TOM1: variants seen among roughly 807,000 people sequenced by gnomAD.
TOM1 encodes the protein target of Myb protein 1.
A neutral mutation model predicts 61.3 loss-of-function variants in TOM1; 38 were observed. That is an observed-to-expected ratio of 0.62 (90% CI 0.48 to 0.81). TOM1 has a LOEUF of 0.81. Ranked by LOEUF, TOM1 falls within the 40% of genes least tolerant of loss-of-function variation. The probability of loss-of-function intolerance (pLI) is 0.00; values close to 1 mark genes in which losing one functional copy is unlikely to be tolerated. For synonymous variants in TOM1, 270 were observed against 268.8 expected (o/e 1.00, Z -0.04); for missense variants, 591 against 659.6 (o/e 0.90, Z 1.14).
chr22:35,335,145 C>T (rs1418004834), intron 11 of TOM1, among the ~76,000 whole-genome samples: 1 of 152,194 alleles, frequency 6.6e-6, no homozygotes, highest in Non-Finnish European at 1.5e-5. Context: ...GTAAGAGGAA[C>T]AGTCTGCTTG....
In TOM1 at chr22:35,330,439, C is replaced by A. The variant is rs774842627; in HGVS notation, c.858C>A (p.Ile286=). Residue 286 remains isoleucine (I), a synonymous_variant, in exon 8 of 15, where the codon ATC becomes ATA. Transcript: ENST00000449058. ...ANEQLTEELL[I]VNDNLNNVFL... ...AGCAGCTGACAGAGGAGCTGCTCAT[C>A]GTCAATGACAATCTCAACAATGTGT... 6.2e-7 allele frequency: 1 copy of A among 1,613,284 alleles called. No individual in the cohort carries two copies. Among genetic ancestry groups the A allele is most frequent in the South Asian group, 1.1e-5 (1 of 91,040 alleles).
chr22:35,341,377 C>G (rs898516750), intron 12 of TOM1, among the ~76,000 whole-genome samples: 11 of 152,190 alleles, frequency 7.2e-5, no homozygotes, highest in African/African-American at 2.7e-4. Context: ...GATACCCTGC[C>G]TAGGGTCTCG....
chr22:35,338,924 G>A (rs1044461825), intron 12 of TOM1, 136 bp downstream of exon 12: 35 of 783,816 alleles, frequency 4.5e-5, no homozygotes, highest in East Asian at 2.1e-4. Flanking sequence ...CCGTCAGGTC[G>A]GTTCTTTTTG....
chr22:35,327,627 G>A (rs1928456614), intron 7 of TOM1, among the ~76,000 whole-genome samples: 1 of 152,206 alleles, frequency 6.6e-6, no homozygotes, highest in African/African-American at 2.4e-5. Flanking sequence ...CTGTAAGATT[G>A]CTCTAACAAT....
chr22:35,315,303 C>A (rs1407067206), intron 1 of TOM1, among the ~76,000 whole-genome samples: 5 of 152,128 alleles, frequency 3.3e-5, no homozygotes, highest in African/African-American at 1.2e-4. Flanking sequence ...CACTAATCCT[C>A]TGGCCTGTGT....
chr22:35,321,865 T>C, intron 2 of TOM1, 94 bp from the exon 3 acceptor site: 1 of 1,040,608 alleles, frequency 9.6e-7, no homozygotes, highest in Non-Finnish European at 1.5e-6. Flanking sequence ...ACAGGGAGGA[T>C]GGGCCAATAA....
At chr22:35,299,857 C>T (rs1019481543), upstream of TOM1, 1 of 1,528,064 alleles carries the variant, frequency 6.5e-7, no homozygotes, top group Non-Finnish European at 8.9e-7. Context: ...GAGTGCGTCA[C>T]GTGACGGGTC....
At position 35,338,671 on chromosome 22, in the gene TOM1, C is replaced by T. The variant is rs774304642; in HGVS notation, c.1149-42C>T. 2.8e-5 allele frequency: 41 copies of T among 1,473,932 alleles called. No homozygotes were observed. In the South Asian group the frequency reaches 4.1e-4, roughly 15 times the overall value. The allele number at this position is 1,473,932 out of a possible 1,614,324, so 91.3% of individuals were successfully genotyped here. ...CCCGCTCCGTTCTTGCATCAGCCAT[C>T]GGTAAGGGCAGCATCCAATGGCTTG... On this transcript the variant is annotated intron_variant, in intron 11 of 14. Transcript: ENST00000449058.
chr22:35,308,670 C>A (rs1165510127), intron 1 of TOM1, among the ~76,000 whole-genome samples: 1 of 152,174 alleles, frequency 6.6e-6, no homozygotes, highest in Admixed American at 6.5e-5. Context: ...TTTACACTCC[C>A]AAGTGGGGAG....
At chr22:35,320,477 C>G (rs1032128267) in intron 2 of TOM1, among the ~76,000 whole-genome samples, 1 of 152,080 alleles carries the variant, frequency 6.6e-6, no homozygotes, top group Non-Finnish European at 1.5e-5. Flanking sequence ...CAGCCCTCCC[C>G]GACCTCCCCC....
intron 2 of TOM1, chr22:35,318,170 T>G: frequency 1.7e-6 from 1 of 574,668 alleles, no homozygotes; most frequent in East Asian, 2.8e-5. Flanking sequence ...CCCTGGGGGC[T>G]GCCACCCCAC....
chr22:35,329,510 T>C (rs1928633552), intron 7 of TOM1, among the ~76,000 whole-genome samples: 2 of 152,258 alleles, frequency 1.3e-5, no homozygotes, highest in African/African-American at 4.8e-5. Context: ...TGTGGTACTA[T>C]CTTTGCATCT....
At chr22:35,343,905 A>T (rs766105155) in intron 12 of TOM1, among the ~76,000 whole-genome samples, 1 of 147,350 alleles carries the variant, frequency 6.8e-6, no homozygotes, top group Admixed American at 6.8e-5. Flanking sequence ...CTGCACACAC[A>T]CCCCTACACA....
intron 12 of TOM1, among the ~76,000 whole-genome samples, chr22:35,340,187 T>A (rs940454816): frequency 6.6e-6 from 1 of 152,152 alleles, no homozygotes; most frequent in Non-Finnish European, 1.5e-5. Context: ...CAGCCGGACC[T>A]GGGAGTCCAG....
Position 35,322,256 on chromosome 22 carries a change from G to A in TOM1, c.216+219G>A, listed in dbSNP as rs527880242. ...CCAATCCCCCAGCATGGGAACAGAC[G>A]CTTACATCACTCCAGAACCACTGGC... On this transcript the variant is annotated intron_variant, in intron 3 of 14. Coordinates refer to ENST00000449058, the MANE Select transcript of TOM1 (RefSeq NM_005488.3). 186 of 557,528 alleles carry A rather than the reference G, an allele frequency of 3.3e-4. 1 individual carries two copies. Among genetic ancestry groups the A allele is most frequent in the Admixed American group, 1.9e-3 (61 of 31,828 alleles). 34.5% of individuals were successfully genotyped at this position (557,528 alleles called of 1,614,324 possible). A position where few individuals can be genotyped will look rare whatever the true frequency, so the allele number is the denominator to read the frequency against.
At chr22:35,328,990 C>T (rs938008111) in intron 7 of TOM1, among the ~76,000 whole-genome samples, 1 of 152,182 alleles carries the variant, frequency 6.6e-6, no homozygotes, top group African/African-American at 2.4e-5. Flanking sequence ...GAGTCTTGCT[C>T]TGTCACCCAG....
At chr22:35,341,261 G>A (rs971561248) in intron 12 of TOM1, among the ~76,000 whole-genome samples, 8 of 152,164 alleles carry the variant, frequency 5.3e-5, no homozygotes, top group Non-Finnish European at 8.8e-5. Flanking sequence ...TACTGTCCTC[G>A]GTATGGTGCC....
chr22:35,334,254 C>T, intron 10 of TOM1, 74 bp from the exon 11 acceptor site: 1 of 1,547,454 alleles, frequency 6.5e-7, no homozygotes, highest in Non-Finnish European at 8.7e-7. Context: ...CTGGGTCTGG[C>T]AGCAGGTAGC....
intron 9 of TOM1, 33 bp downstream of exon 9, chr22:35,333,047 C>G: frequency 1.2e-6 from 2 of 1,612,018 alleles, no homozygotes; most frequent in Non-Finnish European, 1.7e-6. Context: ...CTAGATCAGG[C>G]CCTGTTCATG....
Sources: gnomAD v4.1 joint callset for allele counts (sites outside exome capture counted in the v4.1 genomes callset) on GRCh38, gnomAD v4.1.1 for gene constraint, MANE v1.5 for transcripts, NCBI Gene and HGNC (gene_info 2026-07-23, HGNC 2026-07-21) for gene names.